Variants in PCDHGA10 observed in about 807,000 individuals in gnomAD.
PCDHGA10 encodes the protein protocadherin gamma-A10.
In PCDHGA10, 42 loss-of-function variants were observed where a neutral mutation model predicts 59.5. That is an observed-to-expected ratio of 0.71 (90% CI 0.55 to 0.91). The LOEUF (loss-of-function observed/expected upper bound fraction) is 0.91, where lower values mean the gene tolerates loss of function less well. PCDHGA10 is among the 40% of genes least tolerant of loss of function. PCDHGA10 has a pLI of 0.00. For missense variants in PCDHGA10, 1,111 were observed against 1,198.2 expected, an observed-to-expected ratio of 0.93 and a Z score of 1.07; for synonymous variants, 511 against 517.2, an observed-to-expected ratio of 0.99 and a Z score of 0.16.
At position 141,415,385 on chromosome 5, in the gene PCDHGA10, C is replaced by T. The variant is rs1388093443; in HGVS notation, c.2210C>T (p.Thr737Ile). 6 of 1,614,228 alleles carry T rather than the reference C, an allele frequency of 3.7e-6. No homozygotes were observed. Among genetic ancestry groups the T allele is most frequent in the Non-Finnish European group, 5.1e-6 (6 of 1,180,040 alleles). Residue 737 changes from threonine (T) to isoleucine (I), a missense_variant, in exon 1 of 4, where the codon ACA (threonine) becomes ATA (isoleucine). Coordinates refer to ENST00000398610, the MANE Select transcript of PCDHGA10 (RefSeq NM_018913.3). ...RLLQASGGGL[T>I]GVSGSHFVGV... Reference sequence around the variant, plus strand: ...CTGCAGGCTTCAGGAGGCGGCTTGACAGGTGTGTCCGGCTCGCACTTTGTG... The same window carrying T: ...CTGCAGGCTTCAGGAGGCGGCTTGATAGGTGTGTCCGGCTCGCACTTTGTG...
chr5:141,422,150 T>A (rs773805631), intron 1 of PCDHGA10: 1 of 1,577,174 alleles, frequency 6.3e-7, no homozygotes, highest in Non-Finnish European at 8.6e-7. Context: ...CGGGGGTCTC[T>A]GGATTTTGAA....
chr5:141,427,193 CTT>C (rs2096998045), intron 1 of PCDHGA10: 3 of 456,614 alleles, frequency 6.6e-6, no homozygotes, highest in Non-Finnish European at 8.8e-6. Context: ...AATCCAAAGA[CTT>C]AATAGACTTC....
At chr5:141,455,020 G>A (rs201196115) in intron 1 of PCDHGA10, among the ~76,000 whole-genome samples, 1 of 151,166 alleles carries the variant, frequency 6.6e-6, no homozygotes, top group African/African-American at 2.4e-5. Context: ...CACCGTGTTA[G>A]CCAGGATGGT....
At chr5:141,427,461 G>A (rs1397917549) in intron 1 of PCDHGA10, 1 of 497,998 alleles carries the variant, frequency 2.0e-6, no homozygotes, top group Admixed American at 2.3e-5. Context: ...TTTTAGAATC[G>A]AATCTTCCGC....
At chr5:141,430,689 T>A in intron 1 of PCDHGA10, 1 of 1,408,998 alleles carries the variant, frequency 7.1e-7, no homozygotes, top group Non-Finnish European at 9.4e-7. Flanking sequence ...TCCCATTCTA[T>A]GGGCGAAGGA....
intron 1 of PCDHGA10, chr5:141,428,371 C>A: frequency 5.6e-6 from 3 of 536,772 alleles, no homozygotes; most frequent in Non-Finnish European, 1.0e-5. Flanking sequence ...CGCCTTGCAC[C>A]TGCGATGCTC....
chr5:141,429,528 A>T (rs1405050386), intron 1 of PCDHGA10, among the ~76,000 whole-genome samples: 1 of 152,166 alleles, frequency 6.6e-6, no homozygotes, highest in African/African-American at 2.4e-5. Context: ...AAAAAAGCTT[A>T]AAAAAATAAG....
At chr5:141,456,352 C>T (rs1253586137) in intron 1 of PCDHGA10, among the ~76,000 whole-genome samples, 1 of 152,050 alleles carries the variant, frequency 6.6e-6, no homozygotes, top group Non-Finnish European at 1.5e-5. Flanking sequence ...GGAAGAATGG[C>T]GTCCATGTGT....
Position 141,487,003 on chromosome 5 carries a change from C to T in PCDHGA10, c.2437-7804C>T. The stretch of plus-strand genomic sequence containing the variant: ...ACAATGCTTGGGTTTCCTATCAGCT[C>T]CTGGAGGCCCCAGATCCCAGCCTGT... On this transcript the variant is annotated intron_variant, in intron 1 of 3. Transcript: ENST00000398610. The surrounding 1 kb of genome is among the most constrained non-coding windows in gnomAD (Gnocchi z 5.0). 1 of 1,614,228 alleles carries T rather than the reference C, an allele frequency of 6.2e-7. No homozygotes were observed.
chr5:141,485,214 G>T lies in PCDHGA10; in HGVS notation c.2437-9593G>T. 6.2e-7 allele frequency: 1 copy of T among 1,614,164 alleles called. No individual in the cohort carries two copies. The highest frequency in any genetic ancestry group is 8.5e-7 in the Non-Finnish European group (1 of 1,179,996). On this transcript the variant is annotated intron_variant, in intron 1 of 3. Transcript: ENST00000398610. This position sits in a 1 kb window ranked among gnomAD's most constrained non-coding sequence, Gnocchi z 5.7. ...AGAAGCTGGACAGAAATCTGGCGGT[G>T]GGCTACCCTTTTGTTCCTCTTTTAC...
intron 2 of PCDHGA10, among the ~76,000 whole-genome samples, chr5:141,497,171 C>T (rs991574648): frequency 6.6e-6 from 1 of 151,148 alleles, no homozygotes; most frequent in African/African-American, 2.5e-5. Context: ...CCACAAATCA[C>T]AGTAAGTTCT....
chr5:141,446,850 C>T (rs1027473189), intron 1 of PCDHGA10, among the ~76,000 whole-genome samples: 2 of 152,114 alleles, frequency 1.3e-5, no homozygotes, highest in Non-Finnish European at 2.9e-5. Flanking sequence ...GCATAATAAG[C>T]TTCCTGATAG....
rs980172909 is a variant in PCDHGA10, at chr5:141,485,917, G to A, written c.2437-8890G>A. On this transcript the variant is annotated intron_variant, in intron 1 of 3. Transcript: ENST00000398610. The surrounding 1 kb of genome is among the most constrained non-coding windows in gnomAD (Gnocchi z 5.7). ...CAGCCTTCCAGCAATCCAGCTACAGGATTAGTGTGTTGGAGAGCGCACCAG... is the reference window on the plus strand; with the variant it reads ...CAGCCTTCCAGCAATCCAGCTACAGAATTAGTGTGTTGGAGAGCGCACCAG... The A allele has an allele frequency of 2.6e-5, 42 of 1,614,078 alleles. No homozygotes were observed. Among genetic ancestry groups the A allele is most frequent in the Non-Finnish European group, 3.5e-5 (41 of 1,180,050 alleles).
rs568472427 is a variant in PCDHGA10, at chr5:141,460,924, A to G, written c.2437-33883A>G. 3.3e-4 allele frequency among the ~76,000 whole-genome samples: 50 copies of G among 150,592 alleles called. No homozygotes were observed. The East Asian group carries it at 6.6e-3, about 20-fold the overall frequency. Reference sequence around the variant, plus strand: ...AATATTCCATGGTGTATATATATATATGTGTGTGTGTATATATATGTATTA... The same window carrying G: ...AATATTCCATGGTGTATATATATATGTGTGTGTGTGTATATATATGTATTA... On this transcript the variant is annotated intron_variant, in intron 1 of 3. Coordinates refer to ENST00000398610, the MANE Select transcript of PCDHGA10 (RefSeq NM_018913.3).
At position 141,431,848 on chromosome 5, in the gene PCDHGA10, G is replaced by A. The variant is rs747401379; in HGVS notation, c.2436+16237G>A. 11 of 1,614,142 alleles carry A rather than the reference G, an allele frequency of 6.8e-6. No homozygotes were observed. The highest frequency in any genetic ancestry group is 2.2e-5 in the East Asian group (1 of 44,906). On this transcript the variant is annotated intron_variant, in intron 1 of 3. Coordinates refer to ENST00000398610, the MANE Select transcript of PCDHGA10 (RefSeq NM_018913.3). The surrounding 1 kb of genome is among the most constrained non-coding windows in gnomAD (Gnocchi z 4.8). ...CGGTTCCCGAAAACTCTCCCAGAGGGACATTAATTGCCCTTTTAAATGTAA... is the reference window on the plus strand; with the variant it reads ...CGGTTCCCGAAAACTCTCCCAGAGGAACATTAATTGCCCTTTTAAATGTAA...
chr5:141,441,883 A>T, intron 1 of PCDHGA10: 1 of 343,546 alleles, frequency 2.9e-6, no homozygotes, highest in South Asian at 2.6e-5. Context: ...CTACCTGGTC[A>T]CCAAGGTGGT....
chr5:141,421,861 C>T, intron 1 of PCDHGA10: 2 of 1,613,738 alleles, frequency 1.2e-6, no homozygotes, highest in South Asian at 2.2e-5. Flanking sequence ...TCACCTGCTC[C>T]TCCTCACAGC....
In PCDHGA10 at chr5:141,486,247, C is replaced by T. The variant is rs935513223; in HGVS notation, c.2437-8560C>T. The T allele has an allele frequency of 2.5e-6, 4 of 1,614,014 alleles. No homozygotes were observed. The African/African-American group carries it at 5.3e-5, about 22-fold the overall frequency. On this transcript the variant is annotated intron_variant, in intron 1 of 3. Transcript: ENST00000398610. This position sits in a 1 kb window ranked among gnomAD's most constrained non-coding sequence, Gnocchi z 5.0. Reference sequence around the variant, plus strand: ...TCACAGTGACCTCAGAGCTTGGAACCCTCCCCGAGAGTGCAGAACCTGGCA... The same window carrying T: ...TCACAGTGACCTCAGAGCTTGGAACTCTCCCCGAGAGTGCAGAACCTGGCA...
rs1561869034 is a variant in PCDHGA10 at position 141,433,357 on chromosome 5, G to GT, written c.2436+17746_2436+17747insT. On this transcript the variant is annotated intron_variant, in intron 1 of 3. Transcript: ENST00000398610. ...TACAGGTGCAAGCCACCTACTGTCT[G>GT]CCTATCTATCTATCTATCTATCTAT... 125 of 569,056 alleles carry GT rather than the reference G, an allele frequency of 2.2e-4. No homozygotes were observed. In the African/African-American group the frequency reaches 2.4e-3, roughly 11 times the overall value. The allele number at this position is 569,056 out of a possible 1,614,324, so 35.3% of individuals were successfully genotyped here. A position where few individuals can be genotyped will look rare whatever the true frequency, so the allele number is the denominator to read the frequency against.
Sources: gnomAD v4.1 joint callset for allele counts (sites outside exome capture counted in the v4.1 genomes callset) on GRCh38, gnomAD v4.1.1 for gene constraint, Gnocchi (gnomAD v3.1) non-coding constraint, MANE v1.5 for transcripts, NCBI Gene and HGNC (gene_info 2026-07-23, HGNC 2026-07-21) for gene names.